Variants in RAB43 observed in about 807,000 individuals in gnomAD.
RAB43 encodes the protein ras-related protein Rab-43.
RAB43 carries 6 observed loss-of-function variants against 18.8 expected under a neutral mutation model. That is an observed-to-expected ratio of 0.32 (90% confidence interval 0.17 to 0.63). The LOEUF is 0.63. Among genes scored for constraint, RAB43 ranks in the 30% least tolerant of loss-of-function variants. The probability of loss-of-function intolerance (pLI) is 0.79; values close to 1 mark genes in which losing one functional copy is unlikely to be tolerated. For synonymous variants in RAB43, 103 were observed against 124.1 expected (o/e 0.83, Z 1.13); for missense variants, 195 against 289.1 (o/e 0.67, Z 2.36).
At chr3:129,109,269 G>T (rs1475296538) in intron 1 of RAB43, among the ~76,000 whole-genome samples, 1 of 152,074 alleles carries the variant, frequency 6.6e-6, no homozygotes, top group Non-Finnish European at 1.5e-5. Context: ...AATTAGCCGG[G>T]CGTGGTGGCG....
At chr3:129,117,570 T>C (rs1056403913) in intron 1 of RAB43, among the ~76,000 whole-genome samples, 1 of 152,104 alleles carries the variant, frequency 6.6e-6, no homozygotes, top group Admixed American at 6.5e-5. Flanking sequence ...CGTTTGGGTA[T>C]ATCTACACGT....
At chr3:129,116,623 G>A (rs1373847585) in intron 1 of RAB43, among the ~76,000 whole-genome samples, 1 of 152,160 alleles carries the variant, frequency 6.6e-6, no homozygotes, top group Non-Finnish European at 1.5e-5. Context: ...TTGACTCCTA[G>A]GGCAAGGGGA....
Position 129,107,233 on chromosome 3 carries a change from C to T in RAB43, c.205-12064G>A, listed in dbSNP as rs532817064. 2.6e-5 allele frequency among the ~76,000 whole-genome samples: 4 copies of T among 152,320 alleles called. No individual in the cohort carries two copies. Among genetic ancestry groups the T allele is most frequent in the East Asian group, 3.9e-4 (2 of 5,170 alleles). On this transcript the variant is annotated intron_variant, in intron 1 of 2. Coordinates refer to ENST00000315150, the MANE Select transcript of RAB43 (RefSeq NM_198490.3). The surrounding 1 kb of genome is among the most constrained non-coding windows in gnomAD (Gnocchi z 4.2). ...GAAGCCTGGTGTCCTTTACCATGGA[C>T]GCGGCTCCTCCGCAAGCACATAGAA... is the stretch of plus-strand genomic sequence containing the variant.
chr3:129,112,651 G>A (rs1301704425), intron 1 of RAB43, among the ~76,000 whole-genome samples: 1 of 152,174 alleles, frequency 6.6e-6, no homozygotes, highest in East Asian at 1.9e-4. Context: ...CCAGTGCCCA[G>A]CACATACAGG....
intron 1 of RAB43, among the ~76,000 whole-genome samples, chr3:129,099,439 T>G (rs1215188889): frequency 1.3e-5 from 2 of 150,076 alleles, no homozygotes; most frequent in East Asian, 2.0e-4. Flanking sequence ...CAGGCTGGAG[T>G]GCAATGGCAC....
intron 2 of RAB43, chr3:129,092,365 CAAT>C (rs1168513614): frequency 4.1e-6 from 2 of 484,774 alleles, no homozygotes; most frequent in East Asian, 6.7e-5. Context: ...GAATTTGTCT[CAAT>C]AATCCGAGGG....
intron 1 of RAB43, among the ~76,000 whole-genome samples, chr3:129,117,917 T>C (rs1483191695): frequency 2.0e-5 from 3 of 152,210 alleles, no homozygotes; most frequent in African/African-American, 7.2e-5. Context: ...GCCCACTGGA[T>C]CCCTGTGTCT....
chr3:129,114,702 C>T (rs954078478), intron 1 of RAB43, among the ~76,000 whole-genome samples: 1 of 152,082 alleles, frequency 6.6e-6, no homozygotes, highest in Non-Finnish European at 1.5e-5. Context: ...GGCTAAACAA[C>T]GAACAAGAGG....
chr3:129,105,428 G>A lies in RAB43; in HGVS notation c.205-10259C>T, dbSNP rs146911449. ...AGATCGTGCCACTGCACTCCAGCCT[G>A]GGCAACAGAGTGAAACTTCATCTCA... On this transcript the variant is annotated intron_variant, in intron 1 of 2. Transcript: ENST00000315150. 3.3e-3 allele frequency among the ~76,000 whole-genome samples: 500 copies of A among 152,072 alleles called. 1 individual carries two copies. The highest frequency in any genetic ancestry group is 8.8e-3 in the Admixed American group (134 of 15,238).
In RAB43 at chr3:129,102,502, C is replaced by T. The variant is rs192653837; in HGVS notation, c.205-7333G>A. ...AAAATTAGCTGGGCGTGGTGGCGGTCGCCTGTAGTCCCAGCTACTCAGGAG... is the reference window on the plus strand; with the variant it reads ...AAAATTAGCTGGGCGTGGTGGCGGTTGCCTGTAGTCCCAGCTACTCAGGAG... On this transcript the variant is annotated intron_variant, in intron 1 of 2. Coordinates refer to ENST00000315150, the MANE Select transcript of RAB43 (RefSeq NM_198490.3). 1.3e-4 allele frequency among the ~76,000 whole-genome samples: 19 copies of T among 151,756 alleles called. No individual in the cohort carries two copies. In the East Asian group the frequency reaches 2.1e-3, roughly 17 times the overall value.
At position 129,092,784 on chromosome 3, in the gene RAB43, G is replaced by A. The variant is rs183715361; in HGVS notation, c.389-1438C>T. Among the ~76,000 whole-genome samples the A allele has an allele frequency of 5.7e-3, 866 of 151,510 alleles. 3 individuals carry two copies. The highest frequency in any genetic ancestry group is 0.015 in the African/African-American group (616 of 41,310). ...ATCCTGGCTAACATGGTGAAACCCC[G>A]TCTCTACTAAAAATACAAAAAATTA... On this transcript the variant is annotated intron_variant, in intron 2 of 2. Transcript: ENST00000315150.
intron 1 of RAB43, among the ~76,000 whole-genome samples, chr3:129,118,647 G>C (rs151222270): frequency 6.6e-6 from 1 of 152,174 alleles, no homozygotes; most frequent in East Asian, 1.9e-4. Context: ...GATGCTTGCT[G>C]GACAAGCATC....
At chr3:129,094,865 A>G (rs1030422886) in intron 2 of RAB43, 121 bp downstream of exon 2, 9 of 1,375,442 alleles carry the variant, frequency 6.5e-6, no homozygotes, top group Non-Finnish European at 5.8e-6. Context: ...TTGCAAAACC[A>G]TGGCTCAAAC....
chr3:129,100,932 G>A (rs1375859188), intron 1 of RAB43, among the ~76,000 whole-genome samples: 1 of 152,134 alleles, frequency 6.6e-6, no homozygotes, highest in Non-Finnish European at 1.5e-5. Context: ...TCAGCCTCCC[G>A]AGTAGCTGGG....
intron 1 of RAB43, among the ~76,000 whole-genome samples, chr3:129,096,621 T>C (rs1009946025): frequency 1.3e-5 from 2 of 152,304 alleles, no homozygotes; most frequent in East Asian, 1.9e-4. Flanking sequence ...CAATCGTCAA[T>C]GTTTCAGAAA....
chr3:129,121,393 A>G lies in RAB43; in HGVS notation c.97T>C (p.Cys33Arg). The G allele has an allele frequency of 6.2e-7, 1 of 1,612,976 alleles. No individual in the cohort carries two copies. Among genetic ancestry groups the G allele is most frequent in the South Asian group, 1.1e-5 (1 of 90,846 alleles). The change falls in exon 1 of 3, where the codon TGC becomes CGC. Residue 33 changes from cysteine to arginine, a missense_variant. Coordinates refer to ENST00000315150, the MANE Select transcript of RAB43 (RefSeq NM_198490.3). ...CCGGTCTTGAAGCGCTGCACCACGC[A>G]CGTCTTGCCCACGCTTGCGTCGCCC... ...LVGDASVGKT[C>R]VVQRFKTGAF...
At chr3:129,120,730 G>A (rs1178066351) in intron 1 of RAB43, among the ~76,000 whole-genome samples, 1 of 152,166 alleles carries the variant, frequency 6.6e-6, no homozygotes, top group East Asian at 1.9e-4. Context: ...CCACCACCAG[G>A]TCCACAAAGA....
intron 1 of RAB43, among the ~76,000 whole-genome samples, 159 bp downstream of exon 1, chr3:129,121,127 C>A (rs899097133): frequency 4.6e-5 from 7 of 151,560 alleles, no homozygotes; most frequent in African/African-American, 1.5e-4. Context: ...CCGGCCCAGA[C>A]CCCGGGGCCC....
chr3:129,111,070 C>T (rs1560002861), intron 1 of RAB43, among the ~76,000 whole-genome samples: 1 of 152,114 alleles, frequency 6.6e-6, no homozygotes, highest in African/African-American at 2.4e-5. Context: ...CATCACCATG[C>T]GCCTTCCCAA....
Sources: gnomAD v4.1 joint callset for allele counts (sites outside exome capture counted in the v4.1 genomes callset) on GRCh38, gnomAD v4.1.1 for gene constraint, Gnocchi (gnomAD v3.1) non-coding constraint, MANE v1.5 for transcripts, NCBI Gene and HGNC (gene_info 2026-07-23, HGNC 2026-07-21) for gene names.